UBASH3B: variants seen among roughly 807,000 people sequenced by gnomAD.
UBASH3B encodes ubiquitin associated and SH3 domain containing B, also known as ubiquitin-associated and SH3 domain-containing protein B.
Under a neutral mutation model 83.4 loss-of-function variants are expected in UBASH3B, and 37 were observed. That is an observed-to-expected ratio of 0.44 (90% confidence interval 0.34 to 0.58). The LOEUF (loss-of-function observed/expected upper bound fraction) is 0.58. Ranked by LOEUF, UBASH3B falls within the 20% of genes least tolerant of loss-of-function variation. UBASH3B has a pLI of 0.01. For synonymous variants in UBASH3B, 304 were observed against 318.3 expected (o/e 0.96, Z 0.48); for missense variants, 657 against 827.2 (o/e 0.79, Z 2.52).
At chr11:122,705,185 G>A (rs774406987) in intron 1 of UBASH3B, among the ~76,000 whole-genome samples, 2 of 152,194 alleles carry the variant, frequency 1.3e-5, no homozygotes, top group African/African-American at 2.4e-5. Flanking sequence ...AGTGGCTCAT[G>A]CCTGTAATCC....
chr11:122,800,858 C>A (rs1565571800), intron 10 of UBASH3B, among the ~76,000 whole-genome samples: 1 of 152,082 alleles, frequency 6.6e-6, no homozygotes, highest in Admixed American at 6.6e-5. Context: ...CTGCCCTCCT[C>A]CGCCTCCCAA....
At chr11:122,663,122 A>G (rs1168992819) in intron 1 of UBASH3B, among the ~76,000 whole-genome samples, 1 of 152,034 alleles carries the variant, frequency 6.6e-6, no homozygotes, top group East Asian at 1.9e-4. Flanking sequence ...GACTACAGGC[A>G]CATGCCGCCA....
chr11:122,690,198 A>ATCCAAT (rs1369604328), intron 1 of UBASH3B, among the ~76,000 whole-genome samples: 12 of 23,746 alleles, frequency 5.1e-4, no homozygotes, highest in African/African-American at 1.7e-3. Flanking sequence ...ATATATATAT[A>ATCCAAT]TATATATATA....
intron 1 of UBASH3B, among the ~76,000 whole-genome samples, chr11:122,656,550 A>G (rs962317607): frequency 6.6e-6 from 1 of 152,166 alleles, no homozygotes; most frequent in Admixed American, 6.5e-5. Flanking sequence ...CTAGGTCTCC[A>G]GCGCCGAGCG....
intron 1 of UBASH3B, among the ~76,000 whole-genome samples, chr11:122,657,704 T>G (rs1412576368): frequency 6.6e-6 from 1 of 152,222 alleles, no homozygotes. Context: ...TGGAGTGGCC[T>G]TAGAAGGCTG....
At chr11:122,732,925 G>A (rs1248438341) in intron 1 of UBASH3B, among the ~76,000 whole-genome samples, 1 of 152,162 alleles carries the variant, frequency 6.6e-6, no homozygotes, top group Non-Finnish European at 1.5e-5. Flanking sequence ...TGGAATGTTA[G>A]TATCTCTCTC....
chr11:122,681,696 A>G (rs11218750), intron 1 of UBASH3B, among the ~76,000 whole-genome samples: 11,507 of 71,898 alleles, frequency 0.16, 624 homozygotes, highest in Middle Eastern at 0.26. Flanking sequence ...ACACACATGC[A>G]CACACACACA....
intron 1 of UBASH3B, among the ~76,000 whole-genome samples, chr11:122,743,490 C>T (rs545677980): frequency 2.0e-5 from 3 of 152,154 alleles, no homozygotes; most frequent in African/African-American, 4.8e-5. Context: ...TTCGGGATTA[C>T]AGGAATGAAC....
rs144352274 is a variant in UBASH3B at position 122,760,181 on chromosome 11, T to C, written c.162-16038T>C. On this transcript the variant is annotated intron_variant, in intron 1 of 13. Transcript: ENST00000284273. ...ATTGCAAAGACAGATCTTTTAAATA[T>C]AATTTGGAAGGTGCTATGATACAAC... 4.5e-3 allele frequency among the ~76,000 whole-genome samples: 680 copies of C among 152,246 alleles called. 5 individuals carry two copies. Among genetic ancestry groups the C allele is most frequent in the African/African-American group, 0.015 (631 of 41,518 alleles).
intron 11 of UBASH3B, among the ~76,000 whole-genome samples, chr11:122,804,790 C>T (rs571301445): frequency 2.6e-5 from 4 of 152,128 alleles, no homozygotes; most frequent in African/African-American, 9.7e-5. Flanking sequence ...CCACCAGGCA[C>T]TAAACACCCA....
At chr11:122,725,780 G>A (rs147553463) in intron 1 of UBASH3B, among the ~76,000 whole-genome samples, 2,307 of 152,150 alleles carry the variant, frequency 0.015, 64 homozygotes, top group African/African-American at 0.053. Flanking sequence ...TGCAACCTCC[G>A]CCTCCCGGGT....
chr11:122,678,351 C>A (rs1863693506), intron 1 of UBASH3B, among the ~76,000 whole-genome samples: 1 of 152,202 alleles, frequency 6.6e-6, no homozygotes, highest in Non-Finnish European at 1.5e-5. Flanking sequence ...GGGGACCATC[C>A]TCTCTGCCCT....
At chr11:122,787,831 G>A (rs7114315) in intron 5 of UBASH3B, among the ~76,000 whole-genome samples, 8,658 of 152,240 alleles carry the variant, frequency 0.057, 606 homozygotes, top group East Asian at 0.25. Flanking sequence ...ATATGCAAAT[G>A]GAGACCAGAA....
At chr11:122,765,631 A>T (rs1860522989) in intron 1 of UBASH3B, among the ~76,000 whole-genome samples, 1 of 152,230 alleles carries the variant, frequency 6.6e-6, no homozygotes, top group African/African-American at 2.4e-5. Context: ...TTAGCAGACT[A>T]GAAGTGGTTG....
intron 1 of UBASH3B, among the ~76,000 whole-genome samples, chr11:122,664,964 G>A (rs766814060): frequency 2.6e-5 from 4 of 152,074 alleles, no homozygotes; most frequent in East Asian, 3.9e-4. Flanking sequence ...GCTGGAGTGC[G>A]GTGGCGCAAT....
chr11:122,726,588 A>T (rs773709255), intron 1 of UBASH3B, among the ~76,000 whole-genome samples: 50 of 152,000 alleles, frequency 3.3e-4, no homozygotes, highest in Non-Finnish European at 5.9e-4. Flanking sequence ...ACCTCAAGTG[A>T]TCTGTTCACC....
At chr11:122,699,422 A>G (rs2135926826) in intron 1 of UBASH3B, among the ~76,000 whole-genome samples, 1 of 152,306 alleles carries the variant, frequency 6.6e-6, no homozygotes, top group African/African-American at 2.4e-5. Context: ...TTCTTCTGTG[A>G]AATGCCTGTG....
At chr11:122,757,242 A>G (rs1704472345) in intron 1 of UBASH3B, among the ~76,000 whole-genome samples, 1 of 152,164 alleles carries the variant, frequency 6.6e-6, no homozygotes, top group South Asian at 2.1e-4. Flanking sequence ...CAAGGTGATG[A>G]TATCAGGAGG....
At chr11:122,763,337 A>G (rs1334147916) in intron 1 of UBASH3B, among the ~76,000 whole-genome samples, 1 of 152,112 alleles carries the variant, frequency 6.6e-6, no homozygotes, top group Non-Finnish European at 1.5e-5. Context: ...GGCCTCCTAT[A>G]TGGGCTGCTG....
Sources: allele counts gnomAD v4.1 joint callset (sites outside exome capture counted in the v4.1 genomes callset), GRCh38; gene constraint gnomAD v4.1.1; transcripts MANE v1.5; gene names NCBI Gene and HGNC (gene_info 2026-07-23, HGNC 2026-07-21).